The following TF variants were observed in gnomAD, a reference collection of about 807,000 sequenced individuals.
TF encodes serotransferrin.
TF carries 55 observed loss-of-function variants against 82.4 expected under a neutral mutation model. The observed-to-expected ratio is 0.67, with a 90% CI of 0.54 to 0.84. The LOEUF (loss-of-function observed/expected upper bound fraction) is 0.84. TF is among the 40% of genes least tolerant of loss of function. TF has a pLI of 0.00. For synonymous variants in TF, 332 were observed against 332.6 expected (o/e 1.00, Z 0.02); for missense variants, 737 against 868.4 (o/e 0.85, Z 1.90).
chr3:133,673,281 A>G, the TF span, among the ~76,000 whole-genome samples: 1 of 152,256 alleles, frequency 6.6e-6, no homozygotes, highest in Non-Finnish European at 1.5e-5. Flanking sequence ...CCTTATTCAT[A>G]TAAGATATAA....
the TF span, among the ~76,000 whole-genome samples, chr3:133,726,187 G>C: frequency 6.6e-6 from 1 of 152,158 alleles, no homozygotes; most frequent in Admixed American, 6.5e-5. Flanking sequence ...GAGTAAGGGA[G>C]GATTCCCTCT....
In TF at chr3:133,775,530, C is replaced by T. The variant is rs757985238; in HGVS notation, c.1785C>T (p.Asn595=). ...GGAAACCTGTGGAGGAGTATGCGAA[C>T]TGCCACCTGGCCAGAGCCCCGAATC... The part of the protein sequence containing the change: ...GTRKPVEEYA[N]CHLARAPNHA... The change falls in exon 15 of 17, where the codon AAC becomes AAT. Residue 595 remains asparagine, a synonymous_variant. Transcript: ENST00000402696. 48 of 1,614,082 alleles carry T rather than the reference C, an allele frequency of 3.0e-5. No individual in the cohort carries two copies. The highest frequency in any genetic ancestry group is 4.1e-5 in the Non-Finnish European group (48 of 1,180,034).
chr3:133,780,254 C>T lies in TF; in HGVS notation c.*1634C>T, dbSNP rs1177218177. The T allele has an allele frequency of 1.3e-5, 2 of 152,200 alleles. No homozygotes were observed. Among genetic ancestry groups the T allele is most frequent in the East Asian group, 1.9e-4 (1 of 5,196 alleles). The allele number at this position is 152,200 out of a possible 1,614,324, so 9.4% of individuals were successfully genotyped here. A position where few individuals can be genotyped will look rare whatever the true frequency, so the allele number is the denominator to read the frequency against. ...ATTTAATATTAACCTAAACTTACCC[C>T]AAATCCTATAACTCTGCCTTTTCCT... is the stretch of plus-strand genomic sequence containing the variant. On this transcript the variant is annotated 3_prime_UTR_variant, in exon 17 of 17. Transcript: ENST00000402696.
the TF span, among the ~76,000 whole-genome samples, chr3:133,718,478 G>A: frequency 1.3e-5 from 2 of 152,154 alleles, no homozygotes; most frequent in Non-Finnish European, 2.9e-5. Flanking sequence ...TCTCTGGGAA[G>A]CAGGAGCACA....
intron 12 of TF, among the ~76,000 whole-genome samples, chr3:133,766,968 G>A (rs1319260061): frequency 6.6e-6 from 1 of 152,172 alleles, no homozygotes. Flanking sequence ...ATACCTAGCT[G>A]TAAAAAAGAA....
chr3:133,726,188 G>T, the TF span, among the ~76,000 whole-genome samples: 1 of 152,182 alleles, frequency 6.6e-6, no homozygotes, highest in Non-Finnish European at 1.5e-5. Flanking sequence ...AGTAAGGGAG[G>T]ATTCCCTCTT....
intron 3 of TF, 147 bp from the exon 4 acceptor site, chr3:133,754,348 A>G: frequency 1.3e-6 from 1 of 773,656 alleles, no homozygotes; most frequent in Admixed American, 2.0e-5. Flanking sequence ...AACCCTAGGA[A>G]GGTTTTCCTG....
the TF span, among the ~76,000 whole-genome samples, chr3:133,723,520 AT>A: frequency 9.4e-3 from 1,394 of 147,564 alleles, 21 homozygotes; most frequent in African/African-American, 0.032. Context: ...TAAAATAACT[AT>A]CTTCAAGTTC....
the TF span, among the ~76,000 whole-genome samples, chr3:133,722,723 A>G: frequency 6.6e-6 from 1 of 152,168 alleles, no homozygotes; most frequent in South Asian, 2.1e-4. Flanking sequence ...TTCTTTATCT[A>G]TGATGTGTTC....
At position 133,756,997 on chromosome 3, in the gene TF, C is replaced by T. The variant is rs1349698919; in HGVS notation, c.858C>T (p.Leu286=). Residue 286 remains leucine, a synonymous_variant, in exon 7 of 17, where the codon CTC becomes CTT. Coordinates refer to ENST00000402696, the MANE Select transcript of TF (RefSeq NM_001063.4). ...AGGAGGACTTGATCTGGGAGCTTCT[C>T]AACCAGGCCCAGGTATCCCCACCTG... ...GGKEDLIWEL[L]NQAQEHFGKD... is the part of the protein sequence containing the mutation. The T allele has an allele frequency of 1.9e-6, 3 of 1,614,056 alleles. No homozygotes were observed. The highest frequency in any genetic ancestry group is 3.3e-5 in the Admixed American group (2 of 60,002).
rs779243069 is a variant in TF at position 133,782,213 on chromosome 3, C to T, written c.*3593C>T. 1 of 152,106 alleles carries T rather than the reference C, an allele frequency of 6.6e-6. No individual in the cohort carries two copies. Among genetic ancestry groups the T allele is most frequent in the Non-Finnish European group, 1.5e-5 (1 of 68,020 alleles). The allele number at this position is 152,106 out of a possible 1,614,324, so 9.4% of individuals were successfully genotyped here. On this transcript the variant is annotated 3_prime_UTR_variant, in exon 17 of 17. Coordinates refer to ENST00000402696, the MANE Select transcript of TF (RefSeq NM_001063.4). ...TGCATTGTTGGTGAGAATGTACAGCCATTGTGGAAAACAGTATGGAGGTTT... is the reference window on the plus strand; with the variant it reads ...TGCATTGTTGGTGAGAATGTACAGCTATTGTGGAAAACAGTATGGAGGTTT...
At position 133,770,582 on chromosome 3, in the gene TF, C is replaced by T. The variant is rs1175062200; in HGVS notation, c.1687+10C>T. On this transcript the variant is annotated intron_variant, in intron 14 of 16. Coordinates refer to ENST00000402696, the MANE Select transcript of TF (RefSeq NM_001063.4). ...CCACAGAACACTGGGGGTAAGTGCACCTGCTCCTCTGTCCCCCTAGATCAC... is the reference window on the plus strand; with the variant it reads ...CCACAGAACACTGGGGGTAAGTGCATCTGCTCCTCTGTCCCCCTAGATCAC... The T allele has an allele frequency of 2.5e-6, 4 of 1,613,994 alleles. No individual in the cohort carries two copies. In the South Asian group the frequency reaches 4.4e-5, roughly 18 times the overall value.
chr3:133,784,742 G>C lies in TF; in HGVS notation c.*6122G>C, dbSNP rs1180656362. On this transcript the variant is annotated 3_prime_UTR_variant, in exon 17 of 17. Coordinates refer to ENST00000402696, the MANE Select transcript of TF (RefSeq NM_001063.4). ...ACCTTCCATGGAAAAATTGCCTTCCGTGAAACCATTCCCTGGTGCCAAAGA... is the reference window on the plus strand; with the variant it reads ...ACCTTCCATGGAAAAATTGCCTTCCCTGAAACCATTCCCTGGTGCCAAAGA... The C allele has an allele frequency of 6.6e-6, 1 of 152,106 alleles. No homozygotes were observed. The highest frequency in any genetic ancestry group is 1.9e-4 in the East Asian group (1 of 5,182). 9.4% of individuals were successfully genotyped at this position (152,106 alleles called of 1,614,324 possible). A position where few individuals can be genotyped will look rare whatever the true frequency, so the allele number is the denominator to read the frequency against.
At position 133,777,878 on chromosome 3, in the gene TF, G is replaced by T. The variant is rs41296614; in HGVS notation, c.2062+640G>T. 2.2e-4 allele frequency: 35 copies of T among 157,476 alleles called. 2 individuals carry two copies. The Middle Eastern group carries it at 0.03, about 137-fold the overall frequency. 9.8% of individuals were successfully genotyped at this position (157,476 alleles called of 1,614,324 possible). ...TCTTTGCAGTATAACTATGTTGGGT[G>T]TAACTGAGTCACCTGAAAAAGTTTG... On this transcript the variant is annotated intron_variant, in intron 16 of 16. Transcript: ENST00000402696.
At chr3:133,670,349 C>T in the TF span, among the ~76,000 whole-genome samples, 1 of 152,170 alleles carries the variant, frequency 6.6e-6, no homozygotes, top group African/African-American at 2.4e-5. Flanking sequence ...CCATCTTTGC[C>T]GTGAAGTTTT....
At chr3:133,671,243 C>T in the TF span, among the ~76,000 whole-genome samples, 1 of 152,190 alleles carries the variant, frequency 6.6e-6, no homozygotes, top group East Asian at 1.9e-4. Flanking sequence ...GGAGGCTCTG[C>T]TTCTACATTT....
At chr3:133,710,274 C>T in the TF span, 1 of 152,568 alleles carries the variant, frequency 6.6e-6, no homozygotes, top group South Asian at 2.1e-4. Context: ...CTCTGAAAAT[C>T]CCAGCCCTGA....
chr3:133,751,394 G>A lies in TF; in HGVS notation c.217-2201G>A, dbSNP rs552920487. Among the ~76,000 whole-genome samples the A allele has an allele frequency of 1.3e-4, 20 of 151,896 alleles. No homozygotes were observed. The South Asian group carries it at 1.7e-3, about 13-fold the overall frequency. ...ACTACAGGCGCGCGCCACCATGCCCGGCTAATTTTTGTATTTTTAGTAGAG... is the reference window on the plus strand; with the variant it reads ...ACTACAGGCGCGCGCCACCATGCCCAGCTAATTTTTGTATTTTTAGTAGAG... On this transcript the variant is annotated intron_variant, in intron 2 of 16. Coordinates refer to ENST00000402696, the MANE Select transcript of TF (RefSeq NM_001063.4).
At chr3:133,681,038 T>C in the TF span, among the ~76,000 whole-genome samples, 2 of 152,244 alleles carry the variant, frequency 1.3e-5, no homozygotes, top group African/African-American at 4.8e-5. Flanking sequence ...CTAGAGTTCA[T>C]TTAAATAACG....
Sources: allele counts gnomAD v4.1 joint callset (sites outside exome capture counted in the v4.1 genomes callset), GRCh38; gene constraint gnomAD v4.1.1; transcripts MANE v1.5; gene names NCBI Gene and HGNC (gene_info 2026-07-23, HGNC 2026-07-21).